The following IL1RAPL1 variants were observed in gnomAD, a reference collection of about 807,000 sequenced individuals.
The protein encoded by IL1RAPL1 is interleukin-1 receptor accessory protein-like 1.
IL1RAPL1 carries 3 observed loss-of-function variants against 48.4 expected under a neutral mutation model. The observed-to-expected ratio is 0.06, with a 90% CI of 0.03 to 0.16. IL1RAPL1 has a LOEUF of 0.16. Ranked by LOEUF, IL1RAPL1 falls within the 10% of genes least tolerant of loss-of-function variation. The pLI is 1.00. For synonymous variants in IL1RAPL1, 185 were observed against 187.7 expected, an observed-to-expected ratio of 0.99 and a Z score of 0.12; for missense variants, 349 against 530.6, an observed-to-expected ratio of 0.66 and a Z score of 3.36.
intron 5 of IL1RAPL1, among the ~76,000 whole-genome samples, chrX:29,534,152 A>G (rs1362893875): frequency 8.9e-6 from 1 of 111,916 alleles, no homozygotes; most frequent in Non-Finnish European, 1.9e-5. Context: ...AATTACAGAG[A>G]AATTTACAGT....
At chrX:28,787,716 T>G (rs745793265) in intron 1 of IL1RAPL1, among the ~76,000 whole-genome samples, 1 of 111,714 alleles carries the variant, frequency 9.0e-6, no homozygotes. Flanking sequence ...ATTAATCAAT[T>G]AAAACCATTC....
intron 1 of IL1RAPL1, among the ~76,000 whole-genome samples, chrX:28,746,839 C>A (rs1935984542): frequency 1.8e-5 from 2 of 111,649 alleles, no homozygotes; most frequent in African/African-American, 6.5e-5. Context: ...TTCTTATAAA[C>A]TTCAGTTCAT....
At chrX:29,381,464 G>GACAT (rs1720729391) in intron 3 of IL1RAPL1, among the ~76,000 whole-genome samples, 7 of 66,718 alleles carry the variant, frequency 1.0e-4, no homozygotes, top group Non-Finnish European at 1.5e-4. Flanking sequence ...AGACCAGCCT[G>GACAT]AGTAACATAG....
intron 6 of IL1RAPL1, among the ~76,000 whole-genome samples, chrX:29,838,621 C>A (rs906350503): frequency 1.8e-5 from 2 of 111,854 alleles, no homozygotes; most frequent in East Asian, 5.6e-4. Context: ...ACTCTAATTT[C>A]TCTTCTTGTT....
At chrX:29,954,238 A>G (rs1354828439) in intron 9 of IL1RAPL1, among the ~76,000 whole-genome samples, 1 of 75,236 alleles carries the variant, frequency 1.3e-5, no homozygotes, top group African/African-American at 4.5e-5. Context: ...TGTGTCCCAA[A>G]AAAAAAAAAA....
intron 5 of IL1RAPL1, among the ~76,000 whole-genome samples, chrX:29,632,584 T>A (rs1924815492): frequency 8.9e-6 from 1 of 112,148 alleles, no homozygotes; most frequent in Non-Finnish European, 1.9e-5. Flanking sequence ...GTTATTACTC[T>A]GGTGATACTG....
chrX:29,164,951 C>T (rs751144744), intron 2 of IL1RAPL1, among the ~76,000 whole-genome samples: 1 of 111,867 alleles, frequency 8.9e-6, no homozygotes, highest in Non-Finnish European at 1.9e-5. Flanking sequence ...ATCTAGCCAT[C>T]AGTTCTTTCT....
At chrX:29,860,111 T>A (rs2073268288) in intron 6 of IL1RAPL1, among the ~76,000 whole-genome samples, 1 of 111,977 alleles carries the variant, frequency 8.9e-6, no homozygotes, top group South Asian at 3.7e-4. Flanking sequence ...TGACCAAGGA[T>A]ACTTCACAAA....
chrX:29,464,984 C>G (rs1442782713), intron 5 of IL1RAPL1, among the ~76,000 whole-genome samples: 1 of 111,719 alleles, frequency 9.0e-6, no homozygotes, highest in Non-Finnish European at 1.9e-5. Context: ...TGGTTATTAC[C>G]TGGGTGACAA....
intron 6 of IL1RAPL1, among the ~76,000 whole-genome samples, chrX:29,858,606 T>C (rs1424432663): frequency 4.5e-5 from 5 of 110,922 alleles, no homozygotes; most frequent in Admixed American, 9.6e-5. Flanking sequence ...AGCCACCTCC[T>C]ACCCGCACCA....
At position 28,692,321 on chromosome X, in the gene IL1RAPL1, CA is replaced by C. The variant is rs1266546358; in HGVS notation, c.-24-96995del. 6.3e-5 allele frequency among the ~76,000 whole-genome samples: 7 copies of C among 111,274 alleles called. No individual in the cohort carries two copies. The Admixed American group carries it at 6.7e-4, about 11-fold the overall frequency. ...GGACAAACTTCCAAACTATAGCAGA[CA>C]AAATATTTGTGGTCATGGGCAGCCT... On this transcript the variant is annotated intron_variant, in intron 1 of 10. Transcript: ENST00000378993.
rs372308075 is a variant in IL1RAPL1 at position 29,719,743 on chromosome X, CAAAAAAAAAAAA to C, written c.778+51253_778+51264del. 6.0e-3 allele frequency among the ~76,000 whole-genome samples: 132 copies of C among 21,882 alleles called. 3 individuals are homozygous for C. Among genetic ancestry groups the C allele is most frequent in the African/African-American group, 0.015 (122 of 7,941 alleles). 19.0% of individuals were successfully genotyped at this position (21,882 alleles called of 115,157 possible). On this transcript the variant is annotated intron_variant, in intron 6 of 10. Transcript: ENST00000378993. ...CTGCTCTCTCTCTCTGAAAGATGAG[CAAAAAAAAAAAA>C]AAAAAAAAAAAAATGTGACCTCACA...
At chrX:29,542,424 C>T (rs748140716) in intron 5 of IL1RAPL1, among the ~76,000 whole-genome samples, 1 of 111,737 alleles carries the variant, frequency 8.9e-6, no homozygotes, top group East Asian at 2.8e-4. Flanking sequence ...CACTTTACAG[C>T]AAGTAGTTCT....
intron 5 of IL1RAPL1, among the ~76,000 whole-genome samples, chrX:29,626,220 C>T (rs766723200): frequency 8.0e-5 from 9 of 111,911 alleles, no homozygotes; most frequent in African/African-American, 1.6e-4. Flanking sequence ...ACTATTTTTC[C>T]GCAACTGAGT....
chrX:29,932,426 A>G (rs756553767), intron 8 of IL1RAPL1, among the ~76,000 whole-genome samples: 4 of 112,311 alleles, frequency 3.6e-5, no homozygotes, highest in Admixed American at 1.9e-4. Flanking sequence ...ACAAATATTT[A>G]TTGAAAAGGT....
intron 9 of IL1RAPL1, among the ~76,000 whole-genome samples, chrX:29,950,056 C>T (rs960426680): frequency 1.8e-5 from 2 of 111,438 alleles, no homozygotes; most frequent in African/African-American, 6.5e-5. Context: ...CTCAAGTGTC[C>T]CATTGGTTTG....
chrX:28,621,032 G>A (rs1297743472), intron 1 of IL1RAPL1, among the ~76,000 whole-genome samples: 2 of 112,146 alleles, frequency 1.8e-5, no homozygotes, highest in African/African-American at 3.2e-5. Flanking sequence ...GCCTCATTAA[G>A]TGTTTCTTCC....
chrX:29,729,628 T>G (rs149308810), intron 6 of IL1RAPL1, among the ~76,000 whole-genome samples: 1 of 112,026 alleles, frequency 8.9e-6, no homozygotes, highest in Non-Finnish European at 1.9e-5. Flanking sequence ...GCAGCTTTAC[T>G]CCTTTCTCCA....
At position 29,298,588 on chromosome X, in the gene IL1RAPL1, A is replaced by G. The variant is rs148368277; in HGVS notation, c.362+15371A>G. 6.5e-3 allele frequency among the ~76,000 whole-genome samples: 733 copies of G among 111,958 alleles called. 10 individuals carry two copies. The highest frequency in any genetic ancestry group is 0.021 in the African/African-American group (633 of 30,857). On this transcript the variant is annotated intron_variant, in intron 3 of 10. Transcript: ENST00000378993. ...CCTTTCTTCCTTCCCAAATTGTAGC[A>G]TGATGCATTGCCCCAGAACTTAGGG...
Sources: allele counts gnomAD v4.1 joint callset (sites outside exome capture counted in the v4.1 genomes callset), GRCh38; gene constraint gnomAD v4.1.1; transcripts MANE v1.5; gene names NCBI Gene and HGNC (gene_info 2026-07-23, HGNC 2026-07-21).